USP7: variants seen among roughly 807,000 people sequenced by gnomAD.
USP7 encodes ubiquitin specific peptidase 7.
In USP7, 9 loss-of-function variants were observed where a neutral mutation model predicts 162.9. The observed-to-expected ratio is 0.06, with a 90% CI of 0.03 to 0.10. The LOEUF (loss-of-function observed/expected upper bound fraction) is 0.10, where lower values mean the gene tolerates loss of function less well. USP7 is among the 10% of genes least tolerant of loss of function. The pLI, the probability that USP7 is intolerant of heterozygous loss-of-function variation, is 1.00. For missense variants in USP7, 715 were observed against 1,373.7 expected, an observed-to-expected ratio of 0.52 and a Z score of 7.58; for synonymous variants, 562 against 475.9, an observed-to-expected ratio of 1.18 and a Z score of -2.35.
intron 3 of USP7, among the ~76,000 whole-genome samples, chr16:8,922,246 T>G (rs1897734313): frequency 6.6e-6 from 1 of 152,222 alleles, no homozygotes. Flanking sequence ...CCCAGCACTT[T>G]GGCAGGCCGA....
intron 2 of USP7, chr16:8,929,607 A>G: frequency 2.2e-6 from 1 of 456,056 alleles, no homozygotes; most frequent in Non-Finnish European, 4.4e-6. Flanking sequence ...ATGGTTTCAT[A>G]TTACACTCAA....
intron 3 of USP7, 70 bp downstream of exon 3, chr16:8,923,145 G>T: frequency 1.4e-6 from 1 of 730,150 alleles, no homozygotes; most frequent in Non-Finnish European, 1.7e-6. Context: ...TGTAGAGGCA[G>T]CAAATAACTT....
At chr16:8,954,615 A>G (rs1398874617) in intron 1 of USP7, among the ~76,000 whole-genome samples, 2 of 152,224 alleles carry the variant, frequency 1.3e-5, no homozygotes, top group Admixed American at 1.3e-4. Context: ...AGAGATGAAG[A>G]CTTGCCAAAA....
At chr16:8,894,964 G>A (rs1040470579) in intron 28 of USP7, 67 bp downstream of exon 28, 7 of 1,613,116 alleles carry the variant, frequency 4.3e-6, no homozygotes, top group South Asian at 1.1e-5. Context: ...GCGCAGATTC[G>A]GCAACAGCGG....
At chr16:8,919,708 CCA>C (rs899548606) in intron 5 of USP7, among the ~76,000 whole-genome samples, 15 of 144,426 alleles carry the variant, frequency 1.0e-4, no homozygotes, top group African/African-American at 3.6e-4. Context: ...TAAAAGGAAG[CCA>C]CAGAGAACGG....
At chr16:8,948,454 G>A (rs1428660044) in intron 1 of USP7, among the ~76,000 whole-genome samples, 1 of 152,124 alleles carries the variant, frequency 6.6e-6, no homozygotes, top group South Asian at 2.1e-4. Flanking sequence ...CAAAGTGCTG[G>A]GATTACAGGT....
Position 8,901,126 on chromosome 16 carries a change from T to G in USP7, c.2140+16A>C, listed in dbSNP as rs1035382907. On this transcript the variant is annotated intron_variant, in intron 19 of 30. Transcript: ENST00000344836. ...GAGCAAAATCTACTCAGAAGGTAAG[T>G]GCACGAAGGACTTACGTATTTTACA... is the stretch of plus-strand genomic sequence containing the variant. 6.2e-7 allele frequency: 1 copy of G among 1,613,278 alleles called. No homozygotes were observed. The highest frequency in any genetic ancestry group is 2.2e-5 in the East Asian group (1 of 44,866).
chr16:8,929,045 TA>T (rs35836333), intron 2 of USP7, among the ~76,000 whole-genome samples: 73 of 142,104 alleles, frequency 5.1e-4, no homozygotes, highest in Admixed American at 5.7e-4. Context: ...ACCTCCCCCC[TA>T]AAAAAAAAAA....
At chr16:8,901,895 C>T (rs1006296450) in intron 18 of USP7, 187 bp downstream of exon 18, 1 of 600,594 alleles carries the variant, frequency 1.7e-6, no homozygotes, top group African/African-American at 1.9e-5. Flanking sequence ...TGTCTCCGGG[C>T]CTCACAGGAA....
chr16:8,942,010 G>A (rs920206141), intron 1 of USP7, among the ~76,000 whole-genome samples: 1 of 152,210 alleles, frequency 6.6e-6, no homozygotes, highest in African/African-American at 2.4e-5. Flanking sequence ...AGCACAGAGT[G>A]GCAAATTCTG....
At chr16:8,909,024 A>G (rs2061902438) in intron 11 of USP7, among the ~76,000 whole-genome samples, 1 of 152,216 alleles carries the variant, frequency 6.6e-6, no homozygotes, top group Non-Finnish European at 1.5e-5. Context: ...CACTTCTAAG[A>G]AAATGTTCTG....
At position 8,928,788 on chromosome 16, in the gene USP7, G is replaced by A. The variant is rs185943756; in HGVS notation, c.184+1505C>T. On this transcript the variant is annotated intron_variant, in intron 2 of 30. Transcript: ENST00000344836. ...TTCCACTTTCGGGTCCTATGGCGTG[G>A]CACCACTGTCTACTAATTTAGTGAA... is the stretch of plus-strand genomic sequence containing the variant. 5.3e-5 allele frequency among the ~76,000 whole-genome samples: 8 copies of A among 152,272 alleles called. No individual in the cohort carries two copies. In the East Asian group the frequency reaches 1.5e-3, roughly 29 times the overall value.
At chr16:8,938,155 C>T (rs927233135) in intron 1 of USP7, among the ~76,000 whole-genome samples, 20 of 152,072 alleles carry the variant, frequency 1.3e-4, no homozygotes, top group Admixed American at 8.5e-4. Flanking sequence ...AGCAAACAGG[C>T]ACGACACTCC....
At chr16:8,942,603 A>C (rs944674251) in intron 1 of USP7, among the ~76,000 whole-genome samples, 2 of 152,208 alleles carry the variant, frequency 1.3e-5, no homozygotes, top group African/African-American at 4.8e-5. Context: ...GCTGGAGTGC[A>C]GTGGTGCCAC....
In USP7 at chr16:8,957,683, G is replaced by A. The variant is rs534723113; in HGVS notation, c.79+5524C>T. 4.6e-5 allele frequency among the ~76,000 whole-genome samples: 7 copies of A among 151,728 alleles called. No individual in the cohort carries two copies. The South Asian group carries it at 1.0e-3, about 23-fold the overall frequency. ...TGAGGTGGGAGGATCACCTGAGCCC[G>A]GAAGTTTAAGGCTGCAGTGAGCTAT... is the stretch of plus-strand genomic sequence containing the variant. On this transcript the variant is annotated intron_variant, in intron 1 of 30. Transcript: ENST00000344836.
chr16:8,946,390 G>A (rs1899279685), intron 1 of USP7, among the ~76,000 whole-genome samples: 1 of 152,122 alleles, frequency 6.6e-6, no homozygotes, highest in South Asian at 2.1e-4. Flanking sequence ...AGACCAGCCT[G>A]GCCAATATGG....
At chr16:8,930,046 CACCTATTAAATTTAA>C (rs1898230712) in intron 2 of USP7, among the ~76,000 whole-genome samples, 1 of 151,664 alleles carries the variant, frequency 6.6e-6, no homozygotes. Context: ...AGTAAATACC[CACCTATTAAATTTAA>C]ACCTACATTA....
intron 10 of USP7, among the ~76,000 whole-genome samples, chr16:8,914,798 G>A (rs189058865): frequency 5.3e-5 from 8 of 152,226 alleles, no homozygotes; most frequent in African/African-American, 2.4e-5. Context: ...ACACGCCTGT[G>A]TTCCCAGCCA....
At chr16:8,956,105 C>T (rs529773648) in intron 1 of USP7, among the ~76,000 whole-genome samples, 2 of 152,300 alleles carry the variant, frequency 1.3e-5, no homozygotes, top group East Asian at 1.9e-4. Context: ...GAGGTTAGTA[C>T]ATAACACAGG....
Sources: allele counts gnomAD v4.1 joint callset (sites outside exome capture counted in the v4.1 genomes callset), GRCh38; gene constraint gnomAD v4.1.1; transcripts MANE v1.5; gene names NCBI Gene and HGNC (gene_info 2026-07-23, HGNC 2026-07-21).